The following GFOD2 variants were observed in gnomAD, a reference collection of about 807,000 sequenced individuals.
GFOD2 encodes the protein Gfo/Idh/MocA-like oxidoreductase domain containing 2.
Under a neutral mutation model 24.6 loss-of-function variants are expected in GFOD2, and 9 were observed. The observed-to-expected ratio is 0.37, with a 90% CI of 0.22 to 0.64. The LOEUF (loss-of-function observed/expected upper bound fraction) is 0.64. GFOD2 is among the 30% of genes least tolerant of loss of function. The pLI, the probability that GFOD2 is intolerant of heterozygous loss-of-function variation, is 0.65. For synonymous variants in GFOD2, 211 were observed against 224.8 expected, an observed-to-expected ratio of 0.94 and a Z score of 0.55; for missense variants, 476 against 532.5, an observed-to-expected ratio of 0.89 and a Z score of 1.04.
intron 1 of GFOD2, among the ~76,000 whole-genome samples, chr16:67,699,013 G>A (rs1452633405): frequency 6.6e-6 from 1 of 152,084 alleles, no homozygotes; most frequent in African/African-American, 2.4e-5. Context: ...CATAAACTTA[G>A]GCACAAAAAT....
At chr16:67,713,509 A>G (rs1242009518) in intron 1 of GFOD2, among the ~76,000 whole-genome samples, 1 of 152,154 alleles carries the variant, frequency 6.6e-6, no homozygotes, top group Non-Finnish European at 1.5e-5. Flanking sequence ...GGTTGTTTCA[A>G]CTGTGCCTCT....
chr16:67,694,760 T>C (rs1419781322), intron 1 of GFOD2, among the ~76,000 whole-genome samples: 4 of 152,168 alleles, frequency 2.6e-5, no homozygotes, highest in Non-Finnish European at 5.9e-5. Flanking sequence ...AGTACACCTG[T>C]TCCTTTGTGA....
At chr16:67,706,270 C>T (rs904323012) in intron 1 of GFOD2, among the ~76,000 whole-genome samples, 1 of 152,140 alleles carries the variant, frequency 6.6e-6, no homozygotes, top group African/African-American at 2.4e-5. Flanking sequence ...AGCCACTGCG[C>T]CTGGCCTGAC....
intron 1 of GFOD2, among the ~76,000 whole-genome samples, chr16:67,699,481 TTTTG>T (rs1286657887): frequency 6.6e-6 from 1 of 152,102 alleles, no homozygotes; most frequent in African/African-American, 2.4e-5. Flanking sequence ...TGTGGTGTTT[TTTTG>T]TTTGTTAGTT....
At chr16:67,681,238 C>G (rs2053222997) in intron 2 of GFOD2, 1 of 985,308 alleles carries the variant, frequency 1.0e-6, no homozygotes, top group African/African-American at 1.7e-5. Context: ...TGCTATAATG[C>G]CTCGCTGCTG....
Position 67,695,046 on chromosome 16 carries a change from G to A in GFOD2, c.-87-9244C>T, listed in dbSNP as rs547475377. On this transcript the variant is annotated intron_variant, in intron 1 of 2. Coordinates refer to ENST00000268797, the MANE Select transcript of GFOD2 (RefSeq NM_030819.4). ...CTCACTCTGTCGCCTAGGCTGGAGCGTAATGGTGCAATCTCGGCTCACTGC... is the reference window on the plus strand; with the variant it reads ...CTCACTCTGTCGCCTAGGCTGGAGCATAATGGTGCAATCTCGGCTCACTGC... 5.5e-5 allele frequency among the ~76,000 whole-genome samples: 8 copies of A among 144,562 alleles called. No homozygotes were observed. In the South Asian group the frequency reaches 8.7e-4, roughly 16 times the overall value. 94.8% of individuals were successfully genotyped at this position (144,562 alleles called of 152,430 possible).
Position 67,675,919 on chromosome 16 carries a change from G to A in GFOD2, c.394C>T (p.Arg132Cys), listed in dbSNP as rs148404598. The change falls in exon 3 of 3, where the codon CGC becomes TGC. Residue 132 changes from arginine (R) to cysteine (C), a missense_variant. Coordinates refer to ENST00000268797, the MANE Select transcript of GFOD2 (RefSeq NM_030819.4). Reference protein sequence around the residue: ...NVLRFLPAFVRMKQLISEHYV... With the variant: ...NVLRFLPAFVCMKQLISEHYV... The stretch of plus-strand genomic sequence containing the variant: ...TGTTCCGAAATCAGCTGTTTCATGC[G>A]CACGAAGGCAGGCAGGAAGCGCAGC... 35 of 1,614,104 alleles carry A rather than the reference G, an allele frequency of 2.2e-5. No homozygotes were observed. Among genetic ancestry groups the A allele is most frequent in the East Asian group, 4.5e-5 (2 of 44,900 alleles).
chr16:67,698,481 T>C (rs931723775), intron 1 of GFOD2, among the ~76,000 whole-genome samples: 6 of 152,160 alleles, frequency 3.9e-5, no homozygotes, highest in African/African-American at 1.4e-4. Context: ...GGATTTTTTT[T>C]CTTTTTCTTT....
At chr16:67,710,309 C>A (rs1014139896) in intron 1 of GFOD2, among the ~76,000 whole-genome samples, 2 of 150,030 alleles carry the variant, frequency 1.3e-5, no homozygotes, top group Admixed American at 6.7e-5. Context: ...TAGTAGAAAC[C>A]GGGTTTCACC....
intron 1 of GFOD2, among the ~76,000 whole-genome samples, chr16:67,690,949 G>A (rs1200196343): frequency 5.3e-5 from 8 of 151,538 alleles, no homozygotes; most frequent in East Asian, 2.0e-4. Context: ...TGCAACCTCC[G>A]CCTCTTGGGT....
rs866012197 is a variant in GFOD2 at position 67,675,704 on chromosome 16, T to C, written c.609A>G (p.Thr203=). Residue 203 remains threonine, a synonymous_variant, in exon 3 of 3, where the codon ACA becomes ACG. Transcript: ENST00000268797. ...RAEKVHGLLK[T]FVRQNAAIRG... ...GGATGGCAGCGTTCTGCCTCACGAA[T>C]GTCTTGAGCAGCCCGTGCACCTTCT... 1.9e-6 allele frequency: 3 copies of C among 1,614,030 alleles called. No individual in the cohort carries two copies. Among genetic ancestry groups the C allele is most frequent in the East Asian group, 2.2e-5 (1 of 44,886 alleles).
intron 2 of GFOD2, chr16:67,683,809 T>C: frequency 8.2e-7 from 1 of 1,224,388 alleles, no homozygotes. Context: ...GACAACCTCA[T>C]GGCACCGGTT....
intron 2 of GFOD2, among the ~76,000 whole-genome samples, chr16:67,679,104 C>T (rs1261624522): frequency 1.3e-5 from 2 of 152,188 alleles, no homozygotes; most frequent in Non-Finnish European, 2.9e-5. Flanking sequence ...GAGATTGGGG[C>T]TGCAGTTTGC....
intron 1 of GFOD2, among the ~76,000 whole-genome samples, chr16:67,706,181 C>T (rs780748666): frequency 2.6e-5 from 4 of 151,842 alleles, no homozygotes; most frequent in African/African-American, 4.8e-5. Context: ...TTCACCACAT[C>T]GGCCAGGCTG....
chr16:67,716,327 C>T (rs1353550560), intron 1 of GFOD2, among the ~76,000 whole-genome samples: 1 of 152,198 alleles, frequency 6.6e-6, no homozygotes, highest in Non-Finnish European at 1.5e-5. Flanking sequence ...CCCTCAGCTG[C>T]TCCAGAAAAT....
intron 1 of GFOD2, among the ~76,000 whole-genome samples, chr16:67,712,274 TCTCCCCCTCCCCCTCCCC>T (rs756365088): frequency 1.2e-5 from 1 of 82,500 alleles, no homozygotes; most frequent in Non-Finnish European, 2.3e-5. Flanking sequence ...TCCCTCTCCC[TCTCCCCCTCCCCCTCCCC>T]CTCCCCCTCT....
chr16:67,694,020 T>G (rs574115289), intron 1 of GFOD2, among the ~76,000 whole-genome samples: 1 of 151,884 alleles, frequency 6.6e-6, no homozygotes, highest in Non-Finnish European at 1.5e-5. Context: ...AGAGTCTTGC[T>G]CTATCACCCA....
chr16:67,683,623 C>T lies in GFOD2; in HGVS notation c.259+1834G>A, dbSNP rs576821227. 49 of 1,231,762 alleles carry T rather than the reference C, an allele frequency of 4.0e-5. No individual in the cohort carries two copies. The African/African-American group carries it at 7.1e-4, about 18-fold the overall frequency. The allele number at this position is 1,231,762 out of a possible 1,614,324, so 76.3% of individuals were successfully genotyped here. A position where few individuals can be genotyped will look rare whatever the true frequency, so the allele number is the denominator to read the frequency against. On this transcript the variant is annotated intron_variant, in intron 2 of 2. Transcript: ENST00000268797. ...ACAATAAGGCCAAAACTTACTTGCT[C>T]CAAATTGACAACCGGACAGACTGAA...
chr16:67,685,536 G>C lies in GFOD2; in HGVS notation c.180C>G (p.Ile60Met). The change falls in exon 2 of 3, where the codon ATC becomes ATG. Residue 60 changes from isoleucine to methionine, a missense_variant. Transcript: ENST00000268797. ...IAFYTSRTDD[I>M]LLHQDVDLVC... ...CCAGATCCACATCTTGATGCAGCAA[G>C]ATGTCATCAGTCCGGCTGGTGTAGA... 1 of 1,614,200 alleles carries C rather than the reference G, an allele frequency of 6.2e-7. No individual in the cohort carries two copies. Among genetic ancestry groups the C allele is most frequent in the Non-Finnish European group, 8.5e-7 (1 of 1,180,032 alleles).
Sources: allele counts gnomAD v4.1 joint callset (sites outside exome capture counted in the v4.1 genomes callset), GRCh38; gene constraint gnomAD v4.1.1; transcripts MANE v1.5; gene names NCBI Gene and HGNC (gene_info 2026-07-23, HGNC 2026-07-21).